SLC6A6: variants seen among roughly 807,000 people sequenced by gnomAD.
SLC6A6 encodes sodium- and chloride-dependent taurine transporter.
Under a neutral mutation model 68.8 loss-of-function variants are expected in SLC6A6, and 16 were observed. The ratio of observed to expected loss-of-function variants is 0.23; its 90% CI spans 0.16 to 0.35. The LOEUF (loss-of-function observed/expected upper bound fraction) is 0.35. Ranked by LOEUF, SLC6A6 falls within the 10% of genes least tolerant of loss-of-function variation. SLC6A6 has a pLI of 1.00. For synonymous variants in SLC6A6, 312 were observed against 315.4 expected, an observed-to-expected ratio of 0.99 and a Z score of 0.12; for missense variants, 474 against 802.8, an observed-to-expected ratio of 0.59 and a Z score of 4.95.
chr3:14,423,830 C>T (rs1699533335), intron 2 of SLC6A6, among the ~76,000 whole-genome samples: 1 of 152,124 alleles, frequency 6.6e-6, no homozygotes, highest in South Asian at 2.1e-4. Flanking sequence ...GTGATTTATT[C>T]ACATTTAACA....
At chr3:14,406,297 A>T (rs1699106511) in intron 1 of SLC6A6, among the ~76,000 whole-genome samples, 1 of 152,076 alleles carries the variant, frequency 6.6e-6, no homozygotes, top group Non-Finnish European at 1.5e-5. Context: ...GGTGTGAGCC[A>T]CCGTGCCAGC....
chr3:14,437,833 A>T (rs1325389601), intron 2 of SLC6A6, among the ~76,000 whole-genome samples: 3 of 149,814 alleles, frequency 2.0e-5, no homozygotes, highest in East Asian at 3.9e-4. Context: ...TATTTTATTT[A>T]TTTTATTTTT....
intron 2 of SLC6A6, among the ~76,000 whole-genome samples, chr3:14,422,274 C>A (rs758303448): frequency 1.3e-5 from 2 of 152,112 alleles, no homozygotes; most frequent in South Asian, 4.2e-4. Flanking sequence ...CCCGCAGGGA[C>A]CCTCAGGGTG....
chr3:14,458,369 C>A (rs574339610), intron 6 of SLC6A6, among the ~76,000 whole-genome samples: 1 of 152,388 alleles, frequency 6.6e-6, no homozygotes, highest in African/African-American at 2.4e-5. Flanking sequence ...GGAGCCTACA[C>A]GAGCTAGCCC....
At chr3:14,415,970 C>G (rs73132913) in intron 1 of SLC6A6, among the ~76,000 whole-genome samples, 5,452 of 152,250 alleles carry the variant, frequency 0.036, 359 homozygotes, top group African/African-American at 0.12. Context: ...GGCTGTGGAA[C>G]AGCTTACCCA....
At chr3:14,422,504 G>A (rs182017932) in intron 2 of SLC6A6, among the ~76,000 whole-genome samples, 152 of 152,256 alleles carry the variant, frequency 1.0e-3, no homozygotes, top group Non-Finnish European at 1.8e-3. Context: ...TGAGCTGAGC[G>A]TCCTCCACTA....
At chr3:14,454,983 T>C (rs1255709958) in intron 5 of SLC6A6, among the ~76,000 whole-genome samples, 1 of 152,218 alleles carries the variant, frequency 6.6e-6, no homozygotes, top group East Asian at 1.9e-4. Context: ...ACCGCTGCAT[T>C]GTATTCCAGT....
At chr3:14,465,534 A>T (rs1178414703) in intron 6 of SLC6A6, among the ~76,000 whole-genome samples, 1 of 152,266 alleles carries the variant, frequency 6.6e-6, no homozygotes. Flanking sequence ...GCATCATCCT[A>T]TTGAATCCTC....
At chr3:14,444,990 G>T (rs1281465326) in intron 3 of SLC6A6, 1 of 395,062 alleles carries the variant, frequency 2.5e-6, no homozygotes, top group Admixed American at 2.7e-5. Context: ...TCTGCCTCCT[G>T]CCCTGGGCAG....
chr3:14,450,969 A>G lies in SLC6A6; in HGVS notation c.599+3153A>G, dbSNP rs923971278. Among the ~76,000 whole-genome samples the G allele has an allele frequency of 2.0e-5, 3 of 152,140 alleles. No homozygotes were observed. The highest frequency in any genetic ancestry group is 2.9e-5 in the Non-Finnish European group (2 of 68,034). On this transcript the variant is annotated intron_variant, in intron 5 of 14. Transcript: ENST00000622186. This position sits in a 1 kb window ranked among gnomAD's most constrained non-coding sequence, Gnocchi z 4.1. Reference sequence around the variant, plus strand: ...CTCAAATCCCACATCCAATTCACACATCTTCTTGGCTCCCCCTTCAGAGTA... The same window carrying G: ...CTCAAATCCCACATCCAATTCACACGTCTTCTTGGCTCCCCCTTCAGAGTA...
intron 5 of SLC6A6, among the ~76,000 whole-genome samples, chr3:14,457,243 C>T (rs893693559): frequency 5.3e-5 from 8 of 152,208 alleles, no homozygotes; most frequent in Non-Finnish European, 1.2e-4. Context: ...ATCCTTAAAA[C>T]CGTTTACCTG....
At chr3:14,420,591 A>G (rs567493169) in intron 2 of SLC6A6, among the ~76,000 whole-genome samples, 1 of 151,092 alleles carries the variant, frequency 6.6e-6, no homozygotes, top group Non-Finnish European at 1.5e-5. Context: ...TCCAAACTCA[A>G]GCCTTCCTCC....
At position 14,444,776 on chromosome 3, in the gene SLC6A6, C is replaced by T. The variant is rs761576278; in HGVS notation, c.229+913C>T. 76 of 456,588 alleles carry T rather than the reference C, an allele frequency of 1.7e-4. 2 individuals are homozygous for T. Among genetic ancestry groups the T allele is most frequent in the South Asian group, 1.1e-3 (70 of 64,576 alleles). 28.3% of individuals were successfully genotyped at this position (456,588 alleles called of 1,614,324 possible). A position where few individuals can be genotyped will look rare whatever the true frequency, so the allele number is the denominator to read the frequency against. On this transcript the variant is annotated intron_variant, in intron 3 of 14. Coordinates refer to ENST00000622186, the MANE Select transcript of SLC6A6 (RefSeq NM_003043.6). ...TTGGGACTGTGATGAGTGTCCTAGA[C>T]GCTCCCCAGAACAAAGCACATACAC... is the stretch of plus-strand genomic sequence containing the variant.
intron 9 of SLC6A6, among the ~76,000 whole-genome samples, chr3:14,469,099 TCAGGCTCC>T: frequency 6.6e-6 from 1 of 152,260 alleles, no homozygotes; most frequent in Middle Eastern, 3.4e-3. Flanking sequence ...TGGGATTCCC[TCAGGCTCC>T]CAGGATCCTC....
chr3:14,465,689 T>C (rs892665935), intron 6 of SLC6A6, among the ~76,000 whole-genome samples: 9 of 152,206 alleles, frequency 5.9e-5, no homozygotes, highest in Non-Finnish European at 1.2e-4. Flanking sequence ...GCTTATCTGA[T>C]CCCTAACCAT....
chr3:14,467,993 AATG>A (rs761581403), intron 8 of SLC6A6, 37 bp downstream of exon 8: 89 of 1,607,134 alleles, frequency 5.5e-5, no homozygotes, highest in South Asian at 2.3e-4. Context: ...GGACTTTAGA[AATG>A]ATGATGATGA....
chr3:14,464,036 C>G (rs986703058), intron 6 of SLC6A6, among the ~76,000 whole-genome samples: 2 of 152,206 alleles, frequency 1.3e-5, no homozygotes, highest in African/African-American at 4.8e-5. Context: ...GAGGTGGCTC[C>G]CCAGCTGACC....
At chr3:14,462,279 CAG>C (rs1235854777) in intron 6 of SLC6A6, among the ~76,000 whole-genome samples, 2 of 152,204 alleles carry the variant, frequency 1.3e-5, no homozygotes, top group African/African-American at 4.8e-5. Context: ...CCATCTGAGA[CAG>C]GGGGCTCGAT....
chr3:14,406,943 TAAAAAC>T, intron 1 of SLC6A6, among the ~76,000 whole-genome samples: 1 of 152,186 alleles, frequency 6.6e-6, no homozygotes, highest in African/African-American at 2.4e-5. Context: ...CTGGGATACT[TAAAAAC>T]AAACAAACAA....
Sources: gnomAD v4.1 joint callset for allele counts (sites outside exome capture counted in the v4.1 genomes callset) on GRCh38, gnomAD v4.1.1 for gene constraint, Gnocchi (gnomAD v3.1) non-coding constraint, MANE v1.5 for transcripts, NCBI Gene and HGNC (gene_info 2026-07-23, HGNC 2026-07-21) for gene names.